Variants in NCS1 observed in about 807,000 individuals in gnomAD.
The protein encoded by NCS1 is frequenin homolog.
Under a neutral mutation model 28.4 loss-of-function variants are expected in NCS1, and 6 were observed. That is an observed-to-expected ratio of 0.21 (90% CI 0.12 to 0.42). The LOEUF (loss-of-function observed/expected upper bound fraction) is 0.42. Ranked by LOEUF, NCS1 falls within the 10% of genes least tolerant of loss-of-function variation. The pLI is 1.00. For synonymous variants in NCS1, 86 were observed against 99.3 expected, an observed-to-expected ratio of 0.87 and a Z score of 0.79; for missense variants, 131 against 241.4, an observed-to-expected ratio of 0.54 and a Z score of 3.03.
rs192546468 is a variant in NCS1 at position 130,232,095 on chromosome 9, C to T, written c.*18-895C>T. Among the ~76,000 whole-genome samples the T allele has an allele frequency of 2.6e-5, 4 of 152,068 alleles. No homozygotes were observed. The highest frequency in any genetic ancestry group is 1.9e-4 in the East Asian group (1 of 5,182). ...CCAAGCAGCTGGAATTATAGGTGTG[C>T]GCAGCCACGTCCGGCTAATTTTTGT... On this transcript the variant is annotated intron_variant, in intron 7 of 7. Coordinates refer to ENST00000372398, the MANE Select transcript of NCS1 (RefSeq NM_014286.4). This position sits in a 1 kb window ranked among gnomAD's most constrained non-coding sequence, Gnocchi z 4.4.
intron 1 of NCS1, 85 bp downstream of exon 1, chr9:130,172,812 A>T (rs1832502903): frequency 4.0e-6 from 2 of 503,884 alleles, no homozygotes; most frequent in South Asian, 6.0e-5. Flanking sequence ...CCCGCGCGCT[A>T]CCCGCTCCGC....
intron 2 of NCS1, among the ~76,000 whole-genome samples, chr9:130,202,341 G>A (rs1832960170): frequency 7.2e-6 from 1 of 138,708 alleles, no homozygotes. Flanking sequence ...TTACCTCCTC[G>A]CCCCTCCCCC....
chr9:130,211,210 G>A (rs1554908756), intron 2 of NCS1, among the ~76,000 whole-genome samples: 2 of 151,304 alleles, frequency 1.3e-5, no homozygotes, highest in South Asian at 2.1e-4. Context: ...AAATAATCAC[G>A]GATATTCACA....
intron 1 of NCS1, 22 bp downstream of exon 1, chr9:130,172,749 C>A: frequency 7.0e-7 from 1 of 1,419,538 alleles, no homozygotes; most frequent in South Asian, 1.3e-5. Context: ...CAGCCCCCAG[C>A]CCGCGCCCCG....
At chr9:130,173,821 C>T (rs932474378) in intron 1 of NCS1, among the ~76,000 whole-genome samples, 3 of 152,194 alleles carry the variant, frequency 2.0e-5, no homozygotes, top group Admixed American at 1.3e-4. Flanking sequence ...CATTGCACAA[C>T]CTCTGCTCCC....
intron 7 of NCS1, among the ~76,000 whole-genome samples, chr9:130,229,295 C>T (rs1490132844): frequency 2.7e-5 from 4 of 150,444 alleles, no homozygotes; most frequent in Admixed American, 2.6e-4. Context: ...GATGGAGTCT[C>T]CCAGGCTGGA....
At chr9:130,228,897 T>C (rs149867512) in intron 7 of NCS1, among the ~76,000 whole-genome samples, 2 of 152,010 alleles carry the variant, frequency 1.3e-5, no homozygotes, top group Non-Finnish European at 2.9e-5. Flanking sequence ...CTCGAACTCC[T>C]GACCTCAGGT....
intron 1 of NCS1, among the ~76,000 whole-genome samples, chr9:130,197,875 G>A (rs1832895387): frequency 6.6e-6 from 1 of 151,558 alleles, no homozygotes; most frequent in African/African-American, 2.4e-5. Context: ...AGGCACACGA[G>A]GATCACTTGA....
chr9:130,200,334 T>G, intron 1 of NCS1: 4 of 554,294 alleles, frequency 7.2e-6, no homozygotes, highest in Admixed American at 3.1e-5. Context: ...AAAGAATGGG[T>G]ATGTGGGCTT....
intron 3 of NCS1, among the ~76,000 whole-genome samples, chr9:130,218,423 T>C (rs1391662895): frequency 6.6e-6 from 1 of 152,194 alleles, no homozygotes; most frequent in Non-Finnish European, 1.5e-5. Flanking sequence ...CAGAGAGACA[T>C]ATACACATAT....
At chr9:130,223,030 A>T in intron 5 of NCS1, 52 bp from the exon 6 acceptor site, 1 of 1,513,204 alleles carries the variant, frequency 6.6e-7, no homozygotes, top group Non-Finnish European at 9.2e-7. Context: ...CGTGGCCAAG[A>T]GCCCAAAGCC....
At chr9:130,179,995 TTATC>T (rs56120429) in intron 1 of NCS1, among the ~76,000 whole-genome samples, 17,543 of 145,042 alleles carry the variant, frequency 0.12, 1,104 homozygotes, top group Non-Finnish European at 0.13. Flanking sequence ...TGCCTTCTTT[TTATC>T]TATCTATCTA....
intron 1 of NCS1, among the ~76,000 whole-genome samples, chr9:130,173,898 C>A (rs1311542597): frequency 6.6e-6 from 1 of 152,210 alleles, no homozygotes; most frequent in Non-Finnish European, 1.5e-5. Context: ...CGCTTCAGCT[C>A]CATGCCCCTC....
intron 3 of NCS1, among the ~76,000 whole-genome samples, chr9:130,218,951 C>T (rs75835219): frequency 0.012 from 1,754 of 152,210 alleles, 49 homozygotes; most frequent in African/African-American, 0.04. Context: ...TTTTAATACC[C>T]ATTTTGTAGG....
intron 1 of NCS1, among the ~76,000 whole-genome samples, chr9:130,187,917 C>T (rs921844715): frequency 2.0e-5 from 3 of 152,144 alleles, no homozygotes; most frequent in Non-Finnish European, 4.4e-5. Context: ...CCCACCCCTT[C>T]CTGGGGCTGG....
At chr9:130,218,466 G>T (rs894707163) in intron 3 of NCS1, among the ~76,000 whole-genome samples, 2 of 152,184 alleles carry the variant, frequency 1.3e-5, no homozygotes, top group Non-Finnish European at 2.9e-5. Context: ...ACACATGCAT[G>T]TATACACATG....
chr9:130,197,234 A>G (rs1832887702), intron 1 of NCS1, among the ~76,000 whole-genome samples: 1 of 152,176 alleles, frequency 6.6e-6, no homozygotes, highest in South Asian at 2.1e-4. Flanking sequence ...TTTATTGTGT[A>G]TTAGAAAAGA....
At chr9:130,225,953 G>A (rs1217090689) in intron 6 of NCS1, among the ~76,000 whole-genome samples, 1 of 152,090 alleles carries the variant, frequency 6.6e-6, no homozygotes, top group Admixed American at 6.6e-5. Flanking sequence ...GGTCTCCCAG[G>A]GTCCAGTGTG....
intron 1 of NCS1, among the ~76,000 whole-genome samples, chr9:130,187,754 C>T (rs540309854): frequency 6.6e-6 from 1 of 152,360 alleles, no homozygotes; most frequent in South Asian, 2.1e-4. Context: ...CTCTCTTCAC[C>T]TCTCGCCTCT....
Sources: allele counts gnomAD v4.1 joint callset (sites outside exome capture counted in the v4.1 genomes callset), GRCh38; gene constraint gnomAD v4.1.1; non-coding constraint Gnocchi (gnomAD v3.1); transcripts MANE v1.5; gene names NCBI Gene and HGNC (gene_info 2026-07-23, HGNC 2026-07-21).